The following ADORA1 variants were observed in gnomAD, a reference collection of about 807,000 sequenced individuals.
ADORA1 encodes the protein adenosine A1 receptor.
Under a neutral mutation model 19.9 loss-of-function variants are expected in ADORA1, and 6 were observed. The observed-to-expected ratio is 0.30, with a 90% CI of 0.17 to 0.59. ADORA1 has a LOEUF of 0.59. ADORA1 is among the 20% of genes least tolerant of loss of function. ADORA1 has a pLI of 0.87. For missense variants in ADORA1, 302 were observed against 439.2 expected (o/e 0.69, Z 2.79); for synonymous variants, 194 against 188.4 (o/e 1.03, Z -0.24).
chr1:203,128,673 G>A lies in ADORA1; in HGVS notation c.-57-112G>A, dbSNP rs922067131. ...GGGTGCCCCTCCAGCCTGGGTAGGA[G>A]CTGCATGTGACAAGTGGGACACATC... On this transcript the variant is annotated intron_variant, in intron 2 of 3. Coordinates refer to ENST00000337894, the MANE Select transcript of ADORA1 (RefSeq NM_000674.3). This position sits in a 1 kb window ranked among gnomAD's most constrained non-coding sequence, Gnocchi z 5.9. 8 of 1,288,066 alleles carry A rather than the reference G, an allele frequency of 6.2e-6. No homozygotes were observed. Among genetic ancestry groups the A allele is most frequent in the Non-Finnish European group, 8.3e-6 (8 of 960,500 alleles). 79.8% of individuals were successfully genotyped at this position (1,288,066 alleles called of 1,614,324 possible).
chr1:203,155,493 A>G (rs1216951691), intron 3 of ADORA1, among the ~76,000 whole-genome samples: 1 of 152,218 alleles, frequency 6.6e-6, no homozygotes, highest in Non-Finnish European at 1.5e-5. Context: ...ACTAGAAGTG[A>G]TCTCATCCCT....
chr1:203,164,988 A>G (rs1204717803), intron 3 of ADORA1: 1 of 1,514,810 alleles, frequency 6.6e-7, no homozygotes, highest in Non-Finnish European at 8.9e-7. Flanking sequence ...CTTGAAATTC[A>G]TAAAGGAGCT....
At chr1:203,154,445 A>G (rs919986010) in intron 3 of ADORA1, among the ~76,000 whole-genome samples, 1 of 152,214 alleles carries the variant, frequency 6.6e-6, no homozygotes, top group Non-Finnish European at 1.5e-5. Context: ...AGACACAAAC[A>G]GGGAGAGTGA....
chr1:203,157,912 C>T (rs1041473832), intron 3 of ADORA1, among the ~76,000 whole-genome samples: 3 of 152,226 alleles, frequency 2.0e-5, no homozygotes, highest in Admixed American at 6.5e-5. Context: ...TCTCTGGAAA[C>T]CTTGCTCTAA....
chr1:203,140,141 G>A (rs1654633220), intron 3 of ADORA1, among the ~76,000 whole-genome samples: 1 of 152,204 alleles, frequency 6.6e-6, no homozygotes, highest in African/African-American at 2.4e-5. Context: ...ATCAATCAGT[G>A]TAATTCATCA....
At position 203,165,299 on chromosome 1, in the gene ADORA1, C is replaced by T; in HGVS notation, c.380C>T (p.Ala127Val). Residue 127 changes from alanine to valine, a missense_variant, in exon 4 of 4, where the codon GCC (alanine) becomes GTC (valine). Physicochemically the swap from Ala to Val is moderately conservative, Grantham distance 64 (BLOSUM62 0). Transcript: ENST00000337894. The surrounding 1 kb of genome is among the most constrained non-coding windows in gnomAD (Gnocchi z 5.9). ...GTGACCCCCCGGAGGGCGGCGGTGG[C>T]CATAGCCGGCTGCTGGATCCTCTCC... ...MVVTPRRAAVAIAGCWILSFV... is the reference protein window; with the variant it reads ...MVVTPRRAAVVIAGCWILSFV... The T allele has an allele frequency of 6.4e-7, 1 of 1,569,502 alleles. No individual in the cohort carries two copies. Among genetic ancestry groups the T allele is most frequent in the Non-Finnish European group, 8.6e-7 (1 of 1,157,896 alleles).
intron 3 of ADORA1, among the ~76,000 whole-genome samples, chr1:203,159,514 C>T (rs181172352): frequency 8.9e-4 from 135 of 152,248 alleles, no homozygotes; most frequent in Middle Eastern, 3.4e-3. Context: ...CAGATCTTTC[C>T]CTGGCTGGCT....
intron 3 of ADORA1, among the ~76,000 whole-genome samples, chr1:203,159,560 A>T (rs1655299046): frequency 1.3e-5 from 2 of 151,924 alleles, no homozygotes; most frequent in South Asian, 4.2e-4. Flanking sequence ...TCATTTTCTC[A>T]TCCTCAGAGA....
rs546313766 is a variant in ADORA1 at position 203,166,151 on chromosome 1, A to G, written c.*251A>G. On this transcript the variant is annotated 3_prime_UTR_variant, in exon 4 of 4. Coordinates refer to ENST00000337894, the MANE Select transcript of ADORA1 (RefSeq NM_000674.3). ...GAGGGACCAGGTGTCTAGAGGCAAC[A>G]GTGTTCTGAGCCCCCACCTGCCTGA... 7.4e-6 allele frequency: 3 copies of G among 406,362 alleles called. No homozygotes were observed. The highest frequency in any genetic ancestry group is 1.8e-4 in the South Asian group (2 of 10,988). The allele number at this position is 406,362 out of a possible 1,614,324, so 25.2% of individuals were successfully genotyped here. A position where few individuals can be genotyped will look rare whatever the true frequency, so the allele number is the denominator to read the frequency against.
chr1:203,161,767 G>T (rs1655376111), intron 3 of ADORA1, among the ~76,000 whole-genome samples: 1 of 151,944 alleles, frequency 6.6e-6, no homozygotes, highest in African/African-American at 2.4e-5. Context: ...TAGAGATGGG[G>T]TTTCACCATG....
At position 203,129,036 on chromosome 1, in the gene ADORA1, C is replaced by G; in HGVS notation, c.195C>G (p.Leu65=). Reference sequence around the variant, plus strand: ...CCGTGGGTGCCCTGGTCATCCCCCTCGCCATCCTCATCAACATTGGGCCAC... The same window carrying G: ...CCGTGGGTGCCCTGGTCATCCCCCTGGCCATCCTCATCAACATTGGGCCAC... The part of the protein sequence containing the change: ...DVAVGALVIP[L]AILINIGPQT... The change falls in exon 3 of 4, where the codon CTC becomes CTG. Residue 65 remains leucine (L), a synonymous_variant. Coordinates refer to ENST00000337894, the MANE Select transcript of ADORA1 (RefSeq NM_000674.3). The G allele has an allele frequency of 6.2e-7, 1 of 1,614,144 alleles. No individual in the cohort carries two copies. The highest frequency in any genetic ancestry group is 2.2e-5 in the East Asian group (1 of 44,876).
chr1:203,134,550 C>T (rs1488498070), intron 3 of ADORA1, among the ~76,000 whole-genome samples: 1 of 152,192 alleles, frequency 6.6e-6, no homozygotes, highest in East Asian at 1.9e-4. Context: ...TTTCTGAGTG[C>T]TTGAGGGGCA....
In ADORA1 at chr1:203,128,367, C is replaced by G. The variant is rs750748374; in HGVS notation, c.-123C>G. The G allele has an allele frequency of 1.8e-5, 23 of 1,290,404 alleles. No homozygotes were observed. The South Asian group carries it at 2.3e-4, about 13-fold the overall frequency. 79.9% of individuals were successfully genotyped at this position (1,290,404 alleles called of 1,614,324 possible). ...CAGCCCAGCCCTACCGCGCGCGGCC[C>G]GGAGCTCTGTTCCCTGGAACTTTGG... On this transcript the variant is annotated 5_prime_UTR_variant, in exon 2 of 4. Coordinates refer to ENST00000337894, the MANE Select transcript of ADORA1 (RefSeq NM_000674.3). The surrounding 1 kb of genome is among the most constrained non-coding windows in gnomAD (Gnocchi z 5.9).
At chr1:203,151,252 TG>T (rs1289126995) in intron 3 of ADORA1, among the ~76,000 whole-genome samples, 2 of 152,210 alleles carry the variant, frequency 1.3e-5, no homozygotes, top group African/African-American at 4.8e-5. Context: ...GGAGCTTTAC[TG>T]GGGTTCTCCA....
chr1:203,159,015 T>C (rs1014717724), intron 3 of ADORA1, among the ~76,000 whole-genome samples: 15 of 152,240 alleles, frequency 9.9e-5, no homozygotes, highest in Non-Finnish European at 1.9e-4. Flanking sequence ...CATTGTTGCA[T>C]TGGGGATTAA....
intron 3 of ADORA1, chr1:203,150,637 A>C (rs1358996271): frequency 1.6e-6 from 2 of 1,289,616 alleles, no homozygotes; most frequent in Non-Finnish European, 2.0e-6. Context: ...TCCAGGTCCC[A>C]AAAGTGGTGT....
intron 3 of ADORA1, among the ~76,000 whole-genome samples, chr1:203,158,508 C>T (rs987501275): frequency 2.6e-5 from 4 of 152,194 alleles, no homozygotes; most frequent in African/African-American, 9.7e-5. Context: ...TCTGAGCTTT[C>T]ACCAGAATTA....
chr1:203,148,498 G>C (rs1160188701), intron 3 of ADORA1, among the ~76,000 whole-genome samples: 2 of 152,218 alleles, frequency 1.3e-5, no homozygotes, highest in Non-Finnish European at 2.9e-5. Context: ...GTCTGAGTCT[G>C]ATCCCAATCC....
chr1:203,128,476 C>A lies in ADORA1; in HGVS notation c.-58+44C>A. 7.9e-7 allele frequency: 1 copy of A among 1,258,932 alleles called. No homozygotes were observed. The highest frequency in any genetic ancestry group is 1.0e-6 in the Non-Finnish European group (1 of 961,124). 78.0% of individuals were successfully genotyped at this position (1,258,932 alleles called of 1,614,324 possible). On this transcript the variant is annotated intron_variant, in intron 2 of 3. Coordinates refer to ENST00000337894, the MANE Select transcript of ADORA1 (RefSeq NM_000674.3). The surrounding 1 kb of genome is among the most constrained non-coding windows in gnomAD (Gnocchi z 5.9). The stretch of plus-strand genomic sequence containing the variant: ...GTTCTGTGCACAGGGGTGGGCAGAG[C>A]CAGTCATGGGAGACCCCTCTGTGCG...
Sources: allele counts gnomAD v4.1 joint callset (sites outside exome capture counted in the v4.1 genomes callset), GRCh38; gene constraint gnomAD v4.1.1; non-coding constraint Gnocchi (gnomAD v3.1); transcripts MANE v1.5; gene names NCBI Gene and HGNC (gene_info 2026-07-23, HGNC 2026-07-21).